The following DEPDC5 variants were observed in gnomAD, a reference collection of about 807,000 sequenced individuals.
DEPDC5 encodes GATOR1 complex protein DEPDC5.
In DEPDC5, 73 loss-of-function variants were observed where a neutral mutation model predicts 217.3. The observed-to-expected ratio is 0.34, with a 90% confidence interval of 0.28 to 0.41. The LOEUF is 0.41. Ranked by LOEUF, DEPDC5 falls within the 10% of genes least tolerant of loss-of-function variation. DEPDC5 has a pLI of 1.00. For missense variants in DEPDC5, 1,675 were observed against 2,070.1 expected (o/e 0.81, Z 3.70); for synonymous variants, 733 against 756.7 (o/e 0.97, Z 0.51).
chr22:31,879,704 T>C lies in DEPDC5; in HGVS notation c.3985T>C (p.Ser1329Pro), dbSNP rs1334641031. ...RPASYASRHS[S>P]FSRSFGGRSQ... ...AGCCTCCTATGCAAGTAGGCACAGC[T>C]CCTTTAGCCGAAGTTTTGGAGGACG... The change falls in exon 38 of 43, where the codon TCC becomes CCC. Residue 1329 changes from serine (S) to proline (P), a missense_variant. Transcript: ENST00000651528. 6.2e-7 allele frequency: 1 copy of C among 1,613,968 alleles called. No homozygotes were observed. The highest frequency in any genetic ancestry group is 8.5e-7 in the Non-Finnish European group (1 of 1,180,028).
intron 38 of DEPDC5, among the ~76,000 whole-genome samples, chr22:31,887,419 CAAA>C (rs567430576): frequency 0.035 from 2,296 of 65,666 alleles, 53 homozygotes; most frequent in African/African-American, 0.1. Flanking sequence ...AACTCTGTCT[CAAA>C]AAAAAAAAAA....
intron 31 of DEPDC5, among the ~76,000 whole-genome samples, chr22:31,850,531 T>TAC (rs931132769): frequency 1.3e-5 from 2 of 152,204 alleles, no homozygotes; most frequent in Non-Finnish European, 2.9e-5. Flanking sequence ...AAAAACATAG[T>TAC]ACATACAGGG....
At chr22:31,826,056 G>C (rs901252478) in intron 24 of DEPDC5, among the ~76,000 whole-genome samples, 7 of 151,972 alleles carry the variant, frequency 4.6e-5, no homozygotes, top group African/African-American at 1.7e-4. Context: ...TCCCAGGCTG[G>C]AGTGCAGTGG....
chr22:31,891,348 A>G (rs1312550050), intron 38 of DEPDC5: 1 of 336,620 alleles, frequency 3.0e-6, no homozygotes, highest in Non-Finnish European at 5.8e-6. Context: ...GCCACATTCA[A>G]TTAATTTAGC....
intron 32 of DEPDC5, among the ~76,000 whole-genome samples, chr22:31,860,632 A>G (rs1045755768): frequency 2.2e-4 from 34 of 152,278 alleles, no homozygotes; most frequent in African/African-American, 8.2e-4. Context: ...TGACAGCTTT[A>G]GAAAGCCCCT....
intron 27 of DEPDC5, among the ~76,000 whole-genome samples, chr22:31,839,541 G>C (rs1170419877): frequency 6.6e-6 from 1 of 151,876 alleles, no homozygotes; most frequent in Non-Finnish European, 1.5e-5. Context: ...TGATCACCTA[G>C]TGATAACCTT....
At chr22:31,767,067 C>T (rs1453875217) in intron 6 of DEPDC5, among the ~76,000 whole-genome samples, 2 of 151,976 alleles carry the variant, frequency 1.3e-5, no homozygotes, top group Non-Finnish European at 2.9e-5. Flanking sequence ...GACTCTTGGC[C>T]AAAACCCAGA....
At chr22:31,869,305 T>G (rs1423781563) in intron 33 of DEPDC5, among the ~76,000 whole-genome samples, 4 of 151,386 alleles carry the variant, frequency 2.6e-5, no homozygotes, top group African/African-American at 4.9e-5. Flanking sequence ...CAGAAGCTCA[T>G]AGAGGTCCAG....
At chr22:31,897,205 C>A (rs1478034221) in intron 39 of DEPDC5, among the ~76,000 whole-genome samples, 6 of 152,158 alleles carry the variant, frequency 3.9e-5, no homozygotes, top group Non-Finnish European at 8.8e-5. Context: ...TTTCAACTCT[C>A]TGCAGACCGT....
chr22:31,823,083 G>A, intron 24 of DEPDC5: 2 of 357,856 alleles, frequency 5.6e-6, no homozygotes, highest in Non-Finnish European at 1.1e-5. Context: ...CATGGACAGA[G>A]CTGGAGTGGT....
At chr22:31,876,780 G>C (rs2093003542) in intron 37 of DEPDC5, among the ~76,000 whole-genome samples, 1 of 152,054 alleles carries the variant, frequency 6.6e-6, no homozygotes, top group South Asian at 2.1e-4. Flanking sequence ...TAAATAATGA[G>C]GAAAAAGTAA....
intron 27 of DEPDC5, among the ~76,000 whole-genome samples, chr22:31,840,056 G>T (rs2091294666): frequency 6.6e-6 from 1 of 152,172 alleles, no homozygotes; most frequent in South Asian, 2.1e-4. Flanking sequence ...CTGCCTGGCT[G>T]GGGAGAGGAT....
chr22:31,872,141 C>T (rs987138904), intron 34 of DEPDC5, among the ~76,000 whole-genome samples: 2 of 152,074 alleles, frequency 1.3e-5, no homozygotes, highest in African/African-American at 2.4e-5. Flanking sequence ...TGGCCCAGTT[C>T]GGTATAGTGG....
rs938570297 is a variant in DEPDC5, at chr22:31,906,290, C to T, written c.4605C>T (p.Asn1535=). 2 of 1,613,864 alleles carry T rather than the reference C, an allele frequency of 1.2e-6. No homozygotes were observed. Among genetic ancestry groups the T allele is most frequent in the Admixed American group, 1.7e-5 (1 of 60,016 alleles). ...RRRRNSTSST[N]QNMFCEERVG... ...GGCGGAACTCCACCAGCTCCACCAA[C>T]CAGAACATGTTCTGCGAGGAGCGGG... Residue 1535 remains asparagine, a synonymous_variant, in exon 43 of 43, where the codon AAC becomes AAT. Coordinates refer to ENST00000651528, the MANE Select transcript of DEPDC5 (RefSeq NM_001242896.3). This position sits in a 1 kb window ranked among gnomAD's most constrained non-coding sequence, Gnocchi z 5.1.
intron 23 of DEPDC5, 84 bp downstream of exon 23, chr22:31,821,721 A>T: frequency 6.4e-7 from 1 of 1,550,540 alleles, no homozygotes; most frequent in South Asian, 1.2e-5. Flanking sequence ...ACTATTGACA[A>T]AATGTTGTTT....
chr22:31,854,674 C>T (rs1369208067), intron 31 of DEPDC5, among the ~76,000 whole-genome samples: 5 of 152,258 alleles, frequency 3.3e-5, no homozygotes, highest in African/African-American at 9.6e-5. Flanking sequence ...CAGAAGTGCA[C>T]GGTACCACTT....
At chr22:31,798,847 A>T (rs1395874225) in intron 14 of DEPDC5, among the ~76,000 whole-genome samples, 191 bp downstream of exon 14, 1 of 152,216 alleles carries the variant, frequency 6.6e-6, no homozygotes, top group Non-Finnish European at 1.5e-5. Flanking sequence ...TAGCTACTCC[A>T]TAGAAAGAGC....
At chr22:31,759,756 C>T (rs143803755) in intron 3 of DEPDC5, among the ~76,000 whole-genome samples, 2,266 of 147,316 alleles carry the variant, frequency 0.015, 19 homozygotes, top group South Asian at 0.025. Flanking sequence ...CACCTCGGCT[C>T]ACTGCAACCT....
At chr22:31,880,596 G>A (rs1433111233) in intron 38 of DEPDC5, among the ~76,000 whole-genome samples, 1 of 152,202 alleles carries the variant, frequency 6.6e-6, no homozygotes, top group Non-Finnish European at 1.5e-5. Context: ...GATGTTAATC[G>A]TCATCAAAGT....
Sources: allele counts gnomAD v4.1 joint callset (sites outside exome capture counted in the v4.1 genomes callset), GRCh38; gene constraint gnomAD v4.1.1; non-coding constraint Gnocchi (gnomAD v3.1); transcripts MANE v1.5; gene names NCBI Gene and HGNC (gene_info 2026-07-23, HGNC 2026-07-21).